ELP4: variants seen among roughly 807,000 people sequenced by gnomAD.
ELP4 encodes the protein elongator complex protein 4.
A neutral mutation model predicts 48.9 loss-of-function variants in ELP4; 51 were observed. The ratio of observed to expected loss-of-function variants is 1.04; its 90% CI spans 0.83 to 1.32. The LOEUF is 1.32. Among genes scored for constraint, ELP4 ranks in the 40% most tolerant of loss-of-function variants. The pLI is 0.00. For synonymous variants in ELP4, 210 were observed against 189.2 expected (o/e 1.11, Z -0.90); for missense variants, 519 against 514.6 (o/e 1.01, Z -0.08).
rs1592325479 is a variant in ELP4 at position 31,786,702 on chromosome 11, G to A, written c.*3178G>A. 8 of 224,644 alleles carry A rather than the reference G, an allele frequency of 3.6e-5. No homozygotes were observed. In the East Asian group the frequency reaches 5.2e-4, roughly 14 times the overall value. The allele number at this position is 224,644 out of a possible 1,614,324, so 13.9% of individuals were successfully genotyped here. ...CTAGTGATGATAGTAAGAAGAAATG[G>A]CAGTGAGCTGTAGCAAGAAACCAGT... On this transcript the variant is annotated 3_prime_UTR_variant, in exon 10 of 10. Coordinates refer to ENST00000640961, the MANE Select transcript of ELP4 (RefSeq NM_019040.5).
chr11:31,679,645 A>G (rs1946014845), intron 9 of ELP4, among the ~76,000 whole-genome samples: 1 of 152,194 alleles, frequency 6.6e-6, no homozygotes, highest in South Asian at 2.1e-4. Flanking sequence ...ATATGGTTAC[A>G]TTATGAGATA....
chr11:31,581,501 A>G (rs1434617708), intron 3 of ELP4, among the ~76,000 whole-genome samples: 2 of 150,074 alleles, frequency 1.3e-5, no homozygotes, highest in Non-Finnish European at 3.0e-5. Flanking sequence ...AGAGCAGTCC[A>G]TTGTTGCTGT....
chr11:31,532,110 TC>T (rs1956404542), intron 2 of ELP4, among the ~76,000 whole-genome samples: 1 of 152,156 alleles, frequency 6.6e-6, no homozygotes, highest in African/African-American at 2.4e-5. Flanking sequence ...ATTTTATTAT[TC>T]CTATATCATA....
rs148278081 is a variant in ELP4, at chr11:31,723,415, A to G, written c.1144-59978A>G. Among the ~76,000 whole-genome samples, 990 of 152,182 alleles carry G rather than the reference A, an allele frequency of 6.5e-3. 11 individuals carry two copies. The highest frequency in any genetic ancestry group is 0.023 in the African/African-American group (944 of 41,508). ...ACTTCACTTACAAAACATAAATTCA[A>G]TAATGAAATCATTAGGAATTTCATG... On this transcript the variant is annotated intron_variant, in intron 9 of 9. Coordinates refer to ENST00000640961, the MANE Select transcript of ELP4 (RefSeq NM_019040.5).
At chr11:31,763,107 A>T (rs904024295) in intron 9 of ELP4, among the ~76,000 whole-genome samples, 1 of 151,628 alleles carries the variant, frequency 6.6e-6, no homozygotes, top group African/African-American at 2.4e-5. Flanking sequence ...AAAAAAAAGC[A>T]TATCATTTAA....
In ELP4 at chr11:31,553,892, G is replaced by A. The variant is rs79007793; in HGVS notation, c.381+14109G>A. On this transcript the variant is annotated intron_variant, in intron 3 of 9. Coordinates refer to ENST00000640961, the MANE Select transcript of ELP4 (RefSeq NM_019040.5). ...GCCTCACAGCAGGAGGTGAGCAGCA[G>A]GCAACTAAACAAAGCTTCATCTGTA... Among the ~76,000 whole-genome samples the A allele has an allele frequency of 4.8e-3, 732 of 152,158 alleles. 2 individuals are homozygous for A. Among genetic ancestry groups the A allele is most frequent in the South Asian group, 7.9e-3 (38 of 4,822 alleles).
intron 3 of ELP4, among the ~76,000 whole-genome samples, chr11:31,574,093 G>A (rs771140699): frequency 1.3e-5 from 2 of 152,164 alleles, no homozygotes; most frequent in Admixed American, 6.5e-5. Flanking sequence ...CACAAATGAG[G>A]TATTTTTTGT....
intron 9 of ELP4, among the ~76,000 whole-genome samples, chr11:31,683,178 C>G (rs1369046300): frequency 1.3e-5 from 2 of 152,082 alleles, no homozygotes; most frequent in Non-Finnish European, 2.9e-5. Context: ...TTTAGAACAG[C>G]TTATTTTACA....
intron 2 of ELP4, among the ~76,000 whole-genome samples, chr11:31,536,035 G>A (rs886135347): frequency 6.6e-6 from 1 of 152,096 alleles, no homozygotes; most frequent in African/African-American, 2.4e-5. Flanking sequence ...TCCAATCCTG[G>A]ATGTCCTTGG....
intron 3 of ELP4, among the ~76,000 whole-genome samples, chr11:31,586,937 G>A (rs1019166065): frequency 6.6e-6 from 1 of 152,068 alleles, no homozygotes; most frequent in Non-Finnish European, 1.5e-5. Flanking sequence ...ACGGCGACCG[G>A]CCAAATATTT....
At chr11:31,752,833 CAA>C (rs35352597) in intron 9 of ELP4, among the ~76,000 whole-genome samples, 38 of 92,722 alleles carry the variant, frequency 4.1e-4, no homozygotes, top group East Asian at 9.4e-4. Context: ...GACTCCATCT[CAA>C]AAAAAAAAAA....
chr11:31,741,040 C>T (rs1335655420), intron 9 of ELP4, among the ~76,000 whole-genome samples: 1 of 152,100 alleles, frequency 6.6e-6, no homozygotes, highest in African/African-American at 2.4e-5. Flanking sequence ...CACTCCCACC[C>T]TAATACTGCA....
chr11:31,759,686 CTTTTCTTTTTCTT>C lies in ELP4; in HGVS notation c.1144-23696_1144-23684del, dbSNP rs1488536571. The stretch of plus-strand genomic sequence containing the variant: ...ATGCCCTACCTCGTTTAAGTGTTTT[CTTTTCTTTTTCTT>C]TTTTCTTTTTTCTTTTTTTTTTTTT... On this transcript the variant is annotated intron_variant, in intron 9 of 9. Coordinates refer to ENST00000640961, the MANE Select transcript of ELP4 (RefSeq NM_019040.5). Among the ~76,000 whole-genome samples the C allele has an allele frequency of 2.1e-4, 32 of 151,564 alleles. 1 individual carries two copies. Among genetic ancestry groups the C allele is most frequent in the Admixed American group, 2.0e-3 (30 of 15,220 alleles).
chr11:31,535,126 G>A (rs912003305), intron 2 of ELP4, among the ~76,000 whole-genome samples: 1 of 152,078 alleles, frequency 6.6e-6, no homozygotes, highest in African/African-American at 2.4e-5. Context: ...GACAAATAAT[G>A]TTAAAGAACT....
At chr11:31,681,719 A>C (rs909504518) in intron 9 of ELP4, 1 of 164,998 alleles carries the variant, frequency 6.1e-6, no homozygotes, top group African/African-American at 2.4e-5. Context: ...TGCTTGAACA[A>C]ACAGGGCTTT....
intron 9 of ELP4, among the ~76,000 whole-genome samples, chr11:31,725,504 A>C (rs1422284875): frequency 2.6e-5 from 4 of 152,210 alleles, no homozygotes; most frequent in Non-Finnish European, 5.9e-5. Context: ...TGACAGGAAC[A>C]GGGACAGATA....
chr11:31,718,719 G>A (rs1371529453), intron 9 of ELP4, among the ~76,000 whole-genome samples: 2 of 152,162 alleles, frequency 1.3e-5, no homozygotes, highest in East Asian at 1.9e-4. Context: ...CTTACATGAT[G>A]GTCAAACTGC....
At chr11:31,693,994 C>G (rs1382221818) in intron 9 of ELP4, among the ~76,000 whole-genome samples, 1 of 152,136 alleles carries the variant, frequency 6.6e-6, no homozygotes, top group African/African-American at 2.4e-5. Flanking sequence ...CCTTCGCCCA[C>G]TTTTTGATGG....
At chr11:31,560,900 A>G (rs1445299840) in intron 3 of ELP4, among the ~76,000 whole-genome samples, 2 of 151,918 alleles carry the variant, frequency 1.3e-5, no homozygotes, top group African/African-American at 2.4e-5. Context: ...ATTTGCCCAC[A>G]ATCTTCTACA....
Sources: allele counts gnomAD v4.1 joint callset (sites outside exome capture counted in the v4.1 genomes callset), GRCh38; gene constraint gnomAD v4.1.1; transcripts MANE v1.5; gene names NCBI Gene and HGNC (gene_info 2026-07-23, HGNC 2026-07-21).